Variants in CTNNA3 observed in about 807,000 individuals in gnomAD.
CTNNA3 encodes catenin alpha-3.
Under a neutral mutation model 95.7 loss-of-function variants are expected in CTNNA3, and 76 were observed. The observed-to-expected ratio is 0.79, with a 90% CI of 0.66 to 0.96. The LOEUF is 0.96. Among genes scored for constraint, CTNNA3 ranks in the 40% least tolerant of loss-of-function variants. The pLI is 0.00. For synonymous variants in CTNNA3, 431 were observed against 374.4 expected (o/e 1.15, Z -1.74); for missense variants, 1,191 against 1,089.8 (o/e 1.09, Z -1.31).
chr10:66,083,315 TA>T (rs1315300601), intron 14 of CTNNA3, among the ~76,000 whole-genome samples: 1 of 152,122 alleles, frequency 6.6e-6, no homozygotes, highest in Non-Finnish European at 1.5e-5. Context: ...GATGTCTCAA[TA>T]AAATATTCTT....
At chr10:66,052,753 G>T (rs764163834) in intron 15 of CTNNA3, among the ~76,000 whole-genome samples, 1 of 151,966 alleles carries the variant, frequency 6.6e-6, no homozygotes, top group Non-Finnish European at 1.5e-5. Context: ...CATGAGAGAC[G>T]GAGAGATCAA....
chr10:66,392,139 A>T (rs2132532887), intron 11 of CTNNA3, among the ~76,000 whole-genome samples: 1 of 152,226 alleles, frequency 6.6e-6, no homozygotes, highest in Non-Finnish European at 1.5e-5. Flanking sequence ...CACTTAAAAG[A>T]ATAAAAAGAT....
intron 15 of CTNNA3, among the ~76,000 whole-genome samples, chr10:66,014,169 G>T (rs1438007444): frequency 6.6e-6 from 1 of 151,974 alleles, no homozygotes; most frequent in African/African-American, 2.4e-5. Context: ...GTAACAAAAT[G>T]AAAGTCCTAC....
intron 12 of CTNNA3, among the ~76,000 whole-genome samples, chr10:66,349,971 G>A (rs1326093691): frequency 1.3e-5 from 2 of 152,052 alleles, no homozygotes; most frequent in African/African-American, 2.4e-5. Context: ...AAACAAATGA[G>A]TGGACCATTA....
intron 1 of CTNNA3, among the ~76,000 whole-genome samples, chr10:67,711,422 G>C (rs1401018688): frequency 1.3e-5 from 2 of 152,292 alleles, no homozygotes; most frequent in African/African-American, 2.4e-5. Context: ...AATCCAGTCT[G>C]AGGTGGTCTC....
intron 10 of CTNNA3, among the ~76,000 whole-genome samples, chr10:66,574,588 G>C (rs1842953651): frequency 6.6e-6 from 1 of 151,930 alleles, no homozygotes; most frequent in Non-Finnish European, 1.5e-5. Flanking sequence ...CATTTGAAAA[G>C]AAAACATATT....
rs140675598 is a variant in CTNNA3 at position 66,040,468 on chromosome 10, A to G, written c.2159+28840T>C. On this transcript the variant is annotated intron_variant, in intron 15 of 17. Coordinates refer to ENST00000433211, the MANE Select transcript of CTNNA3 (RefSeq NM_013266.4). ...ACTATTCACAATAGCAAAGACATGGAATCAACCTAAATGCCCATCAATGGT... is the reference window on the plus strand; with the variant it reads ...ACTATTCACAATAGCAAAGACATGGGATCAACCTAAATGCCCATCAATGGT... 7.9e-3 allele frequency among the ~76,000 whole-genome samples: 1,203 copies of G among 152,014 alleles called. 11 individuals carry two copies. Among genetic ancestry groups the G allele is most frequent in the African/African-American group, 0.028 (1,159 of 41,424 alleles).
intron 5 of CTNNA3, among the ~76,000 whole-genome samples, chr10:67,508,626 T>A (rs1342087360): frequency 6.6e-6 from 1 of 152,082 alleles, no homozygotes. Context: ...ATGCCATAAG[T>A]ACCAGCAACA....
intron 11 of CTNNA3, among the ~76,000 whole-genome samples, chr10:66,457,251 T>C (rs910391696): frequency 1.3e-5 from 2 of 152,092 alleles, no homozygotes; most frequent in African/African-American, 4.8e-5. Flanking sequence ...AAAGACACTA[T>C]TAGGAAAATG....
At chr10:66,379,434 A>T in intron 11 of CTNNA3, 82 bp from the exon 12 acceptor site, 1 of 1,134,450 alleles carries the variant, frequency 8.8e-7, no homozygotes, top group Non-Finnish European at 1.3e-6. Context: ...AATTATGTTA[A>T]CTTCTGACTT....
At chr10:66,448,400 C>G (rs2131816018) in intron 11 of CTNNA3, among the ~76,000 whole-genome samples, 1 of 152,278 alleles carries the variant, frequency 6.6e-6, no homozygotes, top group African/African-American at 2.4e-5. Flanking sequence ...CGGCACTATT[C>G]ACAATAGCAA....
intron 7 of CTNNA3, among the ~76,000 whole-genome samples, chr10:67,074,221 C>T (rs968368649): frequency 2.6e-5 from 4 of 151,204 alleles, no homozygotes; most frequent in East Asian, 2.0e-4. Flanking sequence ...TTAATAGAAA[C>T]GGGGTTTCAC....
chr10:66,757,176 A>G (rs1839393805), intron 9 of CTNNA3, among the ~76,000 whole-genome samples: 1 of 152,128 alleles, frequency 6.6e-6, no homozygotes, highest in Non-Finnish European at 1.5e-5. Flanking sequence ...CATGCTCCTG[A>G]GCCCTTTCTT....
At chr10:67,440,232 C>T (rs992639937) in intron 5 of CTNNA3, among the ~76,000 whole-genome samples, 16 of 152,012 alleles carry the variant, frequency 1.1e-4, no homozygotes, top group African/African-American at 2.4e-4. Flanking sequence ...GTGGTGGTGG[C>T]GATGGAAAGA....
intron 7 of CTNNA3, among the ~76,000 whole-genome samples, chr10:67,078,137 A>C (rs1342259122): frequency 1.3e-5 from 2 of 152,198 alleles, no homozygotes; most frequent in Non-Finnish European, 2.9e-5. Flanking sequence ...AATAACCTCT[A>C]ACAAAGGTAT....
chr10:65,963,931 C>T (rs969135194), intron 17 of CTNNA3, among the ~76,000 whole-genome samples: 4 of 152,170 alleles, frequency 2.6e-5, no homozygotes, highest in African/African-American at 9.7e-5. Flanking sequence ...CAGAACAGAA[C>T]ATACTGCCCA....
At chr10:67,751,111 T>C in intron 1 of CTNNA3, 1 of 1,390,068 alleles carries the variant, frequency 7.2e-7, no homozygotes, top group South Asian at 1.2e-5. Flanking sequence ...ATTCAGGCCT[T>C]TGACTTTACA....
intron 10 of CTNNA3, among the ~76,000 whole-genome samples, chr10:66,578,523 C>T (rs757777258): frequency 2.0e-4 from 30 of 151,772 alleles, no homozygotes; most frequent in Non-Finnish European, 4.0e-4. Flanking sequence ...GTTTTCAGCA[C>T]GAAGGAATGT....
At chr10:66,203,404 G>T (rs2087559582) in intron 13 of CTNNA3, among the ~76,000 whole-genome samples, 1 of 152,094 alleles carries the variant, frequency 6.6e-6, no homozygotes, top group African/African-American at 2.4e-5. Flanking sequence ...TCTGAATAGT[G>T]ATAAGCCCAG....
Sources: allele counts gnomAD v4.1 joint callset (sites outside exome capture counted in the v4.1 genomes callset), GRCh38; gene constraint gnomAD v4.1.1; transcripts MANE v1.5; gene names NCBI Gene and HGNC (gene_info 2026-07-23, HGNC 2026-07-21).